Variants in ADA2 observed in about 807,000 individuals in gnomAD.
The protein encoded by ADA2 is adenosine deaminase CECR1.
Under a neutral mutation model 44.2 loss-of-function variants are expected in ADA2, and 29 were observed. That is an observed-to-expected ratio of 0.66 (90% CI 0.49 to 0.89). ADA2 has a LOEUF of 0.89. Among genes scored for constraint, ADA2 ranks in the 40% least tolerant of loss-of-function variants. The pLI is 0.00. For missense variants in ADA2, 637 were observed against 644.8 expected (o/e 0.99, Z 0.13); for synonymous variants, 215 against 234.9 (o/e 0.92, Z 0.77).
chr22:17,211,408 G>A (rs1197107110), intron 1 of ADA2, among the ~76,000 whole-genome samples: 1 of 151,940 alleles, frequency 6.6e-6, no homozygotes, highest in Non-Finnish European at 1.5e-5. Context: ...CACAGCAGGT[G>A]GATTGCTCAA....
chr22:17,181,512 TA>T lies in ADA2; in HGVS notation c.1506del (p.Asp502GlufsTer4). 1.9e-6 allele frequency: 3 copies of T among 1,613,350 alleles called. No individual in the cohort carries two copies. Among genetic ancestry groups the T allele is most frequent in the Non-Finnish European group, 2.5e-6 (3 of 1,179,262 alleles). ...TTTGTAGCCACATCTGCTATGAACT[TA>T]TCCCATCTCTTCTTCCAGATTTCCA... ...TFMEIWKKRWDKFIADVATK is the reference protein window; with the variant it reads ...TFMEIWKKRWXKFIADVATK On this transcript the variant is annotated frameshift_variant, in exon 10 of 10. Coordinates refer to ENST00000399837, the MANE Select transcript of ADA2 (RefSeq NM_001282225.2). LOFTEE classifies it high-confidence loss of function.
intron 1 of ADA2, among the ~76,000 whole-genome samples, 183 bp downstream of exon 1, chr22:17,219,172 TA>T (rs1173691923): frequency 2.0e-5 from 3 of 152,174 alleles, no homozygotes; most frequent in African/African-American, 7.2e-5. Flanking sequence ...TGGTCCTGAG[TA>T]AATGCCCTTG....
intron 6 of ADA2, 39 bp downstream of exon 6, chr22:17,189,903 C>A: frequency 5.5e-6 from 8 of 1,446,214 alleles, no homozygotes; most frequent in Non-Finnish European, 7.8e-6. Flanking sequence ...CTCGCATGCC[C>A]CCTTAACAGG....
At chr22:17,215,633 C>T (rs768796389) in intron 1 of ADA2, among the ~76,000 whole-genome samples, 15 of 151,460 alleles carry the variant, frequency 9.9e-5, no homozygotes, top group South Asian at 2.1e-4. Flanking sequence ...AAAGAAATCA[C>T]GTCATTTGCA....
intron 7 of ADA2, among the ~76,000 whole-genome samples, chr22:17,187,665 T>TAAAAAAAAAAAAAA (rs34113994): frequency 7.3e-6 from 1 of 136,824 alleles, no homozygotes. Context: ...CACGAAAAAT[T>TAAAAAAAAAAAAAA]AAAAAAAAAA....
chr22:17,188,449 T>C lies in ADA2; in HGVS notation c.973-2A>G, dbSNP rs139750129. On this transcript the variant is annotated splice_acceptor_variant, in intron 6 of 9. Transcript: ENST00000399837. LOFTEE classifies it high-confidence loss of function. Reference sequence around the variant, plus strand: ...GTGGCCAGTGTCCTCATGCCCCACCTGCAGGACAGAGAGGGACAGGGAGGT... The same window carrying C: ...GTGGCCAGTGTCCTCATGCCCCACCCGCAGGACAGAGAGGGACAGGGAGGT... The C allele has an allele frequency of 1.6e-4, 263 of 1,604,152 alleles. No individual in the cohort carries two copies. Among genetic ancestry groups the C allele is most frequent in the Non-Finnish European group, 1.9e-4 (228 of 1,171,162 alleles).
intron 2 of ADA2, among the ~76,000 whole-genome samples, chr22:17,208,781 C>A (rs1474672225): frequency 6.6e-6 from 1 of 151,316 alleles, no homozygotes; most frequent in Non-Finnish European, 1.5e-5. Context: ...TCAGCCTGGG[C>A]AACAGAGTGA....
intron 2 of ADA2, among the ~76,000 whole-genome samples, 167 bp downstream of exon 2, chr22:17,209,189 T>A (rs2062389895): frequency 6.6e-6 from 1 of 151,888 alleles, no homozygotes; most frequent in Non-Finnish European, 1.5e-5. Context: ...GGGTTTTGGT[T>A]TTCAACACCC....
At chr22:17,184,667 C>T (rs2062014868) in intron 7 of ADA2, among the ~76,000 whole-genome samples, 1 of 151,844 alleles carries the variant, frequency 6.6e-6, no homozygotes, top group Non-Finnish European at 1.5e-5. Flanking sequence ...GTGGCTCACA[C>T]CTGTAATCGC....
At chr22:17,202,287 G>A (rs912163208) in intron 4 of ADA2, among the ~76,000 whole-genome samples, 1 of 151,980 alleles carries the variant, frequency 6.6e-6, no homozygotes, top group Non-Finnish European at 1.5e-5. Flanking sequence ...GCGCCATCGC[G>A]CCCAGCTAAT....
intron 1 of ADA2, chr22:17,213,951 A>G (rs1568991616): frequency 3.0e-6 from 1 of 328,524 alleles, no homozygotes; most frequent in Non-Finnish European, 5.8e-6. Context: ...AGGCAGGAGA[A>G]TCGCTTGAAC....
intron 1 of ADA2, among the ~76,000 whole-genome samples, chr22:17,216,789 C>T (rs9606652): frequency 5.4e-5 from 4 of 73,616 alleles, no homozygotes; most frequent in African/African-American, 2.3e-4. Context: ...CACACACACA[C>T]ATATATATAG....
At chr22:17,188,896 A>G (rs577352288) in intron 6 of ADA2, among the ~76,000 whole-genome samples, 1 of 129,628 alleles carries the variant, frequency 7.7e-6, no homozygotes, top group Non-Finnish European at 1.7e-5. Flanking sequence ...TTTTGTAAAG[A>G]CGGGGTCTCA....
chr22:17,221,352 T>C (rs1568996362), upstream of ADA2, among the ~76,000 whole-genome samples: 1 of 152,124 alleles, frequency 6.6e-6, no homozygotes, highest in East Asian at 1.9e-4. Context: ...GTTTGATACA[T>C]AGGTATACCT....
At chr22:17,189,532 C>A (rs1286193607) in intron 6 of ADA2, among the ~76,000 whole-genome samples, 13 of 152,182 alleles carry the variant, frequency 8.5e-5, no homozygotes, top group Admixed American at 7.9e-4. Flanking sequence ...CATTACCCCC[C>A]AGTCCCCACC....
Position 17,209,637 on chromosome 22 carries a change from A to C in ADA2, c.41T>G (p.Phe14Cys), listed in dbSNP as rs2062396256. The change falls in exon 2 of 10, where the codon TTC becomes TGC. Residue 14 changes from phenylalanine (F) to cysteine (C), a missense_variant. Physicochemically the swap from Phe to Cys is radical, Grantham distance 205. Coordinates refer to ENST00000399837, the MANE Select transcript of ADA2 (RefSeq NM_001282225.2). ...AGACATTGCCACAGCCAACAGCAAG[A>C]AGCACAGGGCTGGCCGCTCAGATGG... is the stretch of plus-strand genomic sequence containing the variant. Reference protein sequence around the residue: ...DGPSERPALCFLLLAVAMSFF... With the variant: ...DGPSERPALCCLLLAVAMSFF... 1 of 1,613,900 alleles carries C rather than the reference A, an allele frequency of 6.2e-7. No individual in the cohort carries two copies.
chr22:17,197,656 C>A (rs2123679914), intron 4 of ADA2, among the ~76,000 whole-genome samples: 1 of 152,326 alleles, frequency 6.6e-6, no homozygotes, highest in African/African-American at 2.4e-5. Flanking sequence ...CAGGCATATG[C>A]AGGGGGCTTT....
chr22:17,209,061 T>G (rs1186596254), intron 2 of ADA2, among the ~76,000 whole-genome samples: 1 of 152,054 alleles, frequency 6.6e-6, no homozygotes, highest in Admixed American at 6.6e-5. Flanking sequence ...CAGGATGCTA[T>G]ATCACATTGT....
intron 4 of ADA2, among the ~76,000 whole-genome samples, chr22:17,195,906 C>T (rs932203653): frequency 2.0e-4 from 30 of 151,928 alleles, no homozygotes; most frequent in Admixed American, 1.3e-4. Flanking sequence ...TGCCACCACG[C>T]CTGGCTATTT....
Sources: gnomAD v4.1 joint callset for allele counts (sites outside exome capture counted in the v4.1 genomes callset) on GRCh38, gnomAD v4.1.1 for gene constraint, MANE v1.5 for transcripts, NCBI Gene and HGNC (gene_info 2026-07-23, HGNC 2026-07-21) for gene names.